The following SLC25A26 variants were observed in gnomAD, a reference collection of about 807,000 sequenced individuals.
The protein encoded by SLC25A26 is mitochondrial S-adenosylmethionine carrier protein.
In SLC25A26, 36 loss-of-function variants were observed where a neutral mutation model predicts 37.8. That is an observed-to-expected ratio of 0.95 (90% CI 0.73 to 1.26). The LOEUF is 1.26. Ranked by LOEUF, SLC25A26 falls within the 50% of genes most tolerant of loss-of-function variation. SLC25A26 has a pLI of 0.00. For missense variants in SLC25A26, 390 were observed against 331.1 expected, an observed-to-expected ratio of 1.18 and a Z score of -1.38; for synonymous variants, 129 against 122.5, an observed-to-expected ratio of 1.05 and a Z score of -0.35.
At chr3:66,251,745 C>T (rs781797325) in intron 3 of SLC25A26, among the ~76,000 whole-genome samples, 22 of 152,202 alleles carry the variant, frequency 1.4e-4, no homozygotes, top group African/African-American at 5.3e-4. Flanking sequence ...ACCCCATCTG[C>T]ATCCTCACCC....
At chr3:66,352,358 G>A (rs1436100408) in intron 6 of SLC25A26, among the ~76,000 whole-genome samples, 1 of 151,732 alleles carries the variant, frequency 6.6e-6, no homozygotes, top group Non-Finnish European at 1.5e-5. Context: ...CTTATCCCGT[G>A]CCACTCACCC....
intron 5 of SLC25A26, among the ~76,000 whole-genome samples, chr3:66,297,674 A>G (rs1173069342): frequency 6.6e-6 from 1 of 152,152 alleles, no homozygotes; most frequent in African/African-American, 2.4e-5. Flanking sequence ...ATAAAGCTTT[A>G]TTGGCATGCA....
In SLC25A26 at chr3:66,319,744, CTTTTTTTT is replaced by C. The variant is rs71105981; in HGVS notation, c.454-26601_454-26594del. On this transcript the variant is annotated intron_variant, in intron 5 of 9. Coordinates refer to ENST00000354883, the MANE Select transcript of SLC25A26 (RefSeq NM_001379210.1). ...CAAAGTACTGTGACAGCAATTAAAT[CTTTTTTTT>C]TTTTTTTTTTTTTTTTTTGAGATGA... Among the ~76,000 whole-genome samples the C allele has an allele frequency of 9.0e-3, 832 of 92,098 alleles. 6 individuals are homozygous for C. Among genetic ancestry groups the C allele is most frequent in the African/African-American group, 0.038 (770 of 20,188 alleles). The allele number at this position is 92,098 out of a possible 152,430, so 60.4% of individuals were successfully genotyped here. A position where few individuals can be genotyped will look rare whatever the true frequency, so the allele number is the denominator to read the frequency against.
At chr3:66,280,650 A>C (rs1358171642) in intron 5 of SLC25A26, among the ~76,000 whole-genome samples, 4 of 152,192 alleles carry the variant, frequency 2.6e-5, no homozygotes, top group Admixed American at 1.3e-4. Context: ...TTTGAAATGC[A>C]TAGTAACACC....
rs917163908 is a variant in SLC25A26, at chr3:66,227,126, C to T, written c.33+5999C>T. The stretch of plus-strand genomic sequence containing the variant: ...TTTTGTGCTTTCAATGTTGTGAGTT[C>T]GTTTAATGCGAAGACTTGCTGACAT... On this transcript the variant is annotated intron_variant, in intron 1 of 9. Transcript: ENST00000354883. Among the ~76,000 whole-genome samples the T allele has an allele frequency of 2.6e-5, 4 of 152,166 alleles. No homozygotes were observed. In the East Asian group the frequency reaches 5.8e-4, roughly 22 times the overall value.
At position 66,207,283 on chromosome 3, in the gene SLC25A26, C is replaced by G. The variant is rs953900556; in HGVS notation, c.-353-13459C>G. Among the ~76,000 whole-genome samples the G allele has an allele frequency of 1.5e-4, 23 of 152,224 alleles. No homozygotes were observed. In the East Asian group the frequency reaches 3.9e-3, roughly 26 times the overall value. On this transcript the variant is annotated intron_variant, in intron 1 of 10. Coordinates refer to the SLC25A26 transcript ENST00000676754. Reference sequence around the variant, plus strand: ...AAGCTACAGCCTCAGTTATCCCCCCCATCCTTTAGACCATACTAGTCCAGT... The same window carrying G: ...AAGCTACAGCCTCAGTTATCCCCCCGATCCTTTAGACCATACTAGTCCAGT...
At chr3:66,148,113 T>G (rs73127759) in intron 1 of SLC25A26, among the ~76,000 whole-genome samples, 51,382 of 152,090 alleles carry the variant, frequency 0.34, 8,890 homozygotes, top group African/African-American at 0.4. Flanking sequence ...TATGTCACTG[T>G]GGTTTTAACT....
intron 1 of SLC25A26, among the ~76,000 whole-genome samples, chr3:66,213,201 A>T (rs914130032): frequency 6.6e-6 from 1 of 152,002 alleles, no homozygotes; most frequent in East Asian, 1.9e-4. Context: ...GGAGTTCAAG[A>T]CCAGCTTGGC....
At chr3:66,363,994 A>G (rs888161672) in intron 7 of SLC25A26, among the ~76,000 whole-genome samples, 1 of 152,122 alleles carries the variant, frequency 6.6e-6, no homozygotes, top group Admixed American at 6.5e-5. Flanking sequence ...GTCAGGAGTC[A>G]TTATTCCCCA....
intron 6 of SLC25A26, among the ~76,000 whole-genome samples, chr3:66,360,269 C>T (rs1332171493): frequency 2.0e-5 from 3 of 152,130 alleles, no homozygotes; most frequent in Non-Finnish European, 2.9e-5. Flanking sequence ...TCAGACCACT[C>T]TCAGAAAGTC....
chr3:66,245,070 T>C (rs1393661933), intron 3 of SLC25A26, among the ~76,000 whole-genome samples: 1 of 152,150 alleles, frequency 6.6e-6, no homozygotes, highest in Non-Finnish European at 1.5e-5. Context: ...GTGATATTTA[T>C]TTTTTGTTTC....
At chr3:66,139,822 CA>C (rs2070007863) in intron 1 of SLC25A26, among the ~76,000 whole-genome samples, 1 of 151,974 alleles carries the variant, frequency 6.6e-6, no homozygotes, top group African/African-American at 2.4e-5. Flanking sequence ...TTATTGCAGG[CA>C]GTAATGCAGA....
At chr3:66,317,406 A>G (rs1575556807) in intron 5 of SLC25A26, among the ~76,000 whole-genome samples, 1 of 152,006 alleles carries the variant, frequency 6.6e-6, no homozygotes, top group Admixed American at 6.6e-5. Context: ...TCTAGACCCT[A>G]TTCTCCGGGG....
At chr3:66,327,538 C>G (rs1486087106) in intron 5 of SLC25A26, among the ~76,000 whole-genome samples, 1 of 151,990 alleles carries the variant, frequency 6.6e-6, no homozygotes, top group Non-Finnish European at 1.5e-5. Flanking sequence ...TAAAATAATT[C>G]ATTTGTTATA....
At chr3:66,371,727 G>C (rs1033974980) in intron 9 of SLC25A26, among the ~76,000 whole-genome samples, 6 of 152,116 alleles carry the variant, frequency 3.9e-5, no homozygotes, top group African/African-American at 9.7e-5. Flanking sequence ...CATTAATTCT[G>C]CTGCCAGTTC....
chr3:66,177,802 G>C (rs1308185044), intron 1 of SLC25A26, among the ~76,000 whole-genome samples: 1 of 152,190 alleles, frequency 6.6e-6, no homozygotes, highest in African/African-American at 2.4e-5. Context: ...TCTACTATGC[G>C]CTGGAATTTT....
chr3:66,148,340 G>A (rs1433560122), intron 1 of SLC25A26, among the ~76,000 whole-genome samples: 1 of 152,162 alleles, frequency 6.6e-6, no homozygotes, highest in Non-Finnish European at 1.5e-5. Context: ...AGCACCCAGG[G>A]GCTAGGAACT....
intron 9 of SLC25A26, among the ~76,000 whole-genome samples, chr3:66,376,476 G>A (rs1700654480): frequency 6.6e-6 from 1 of 152,154 alleles, no homozygotes; most frequent in African/African-American, 2.4e-5. Flanking sequence ...ATCATTCAAA[G>A]CAAGACCCTC....
intron 6 of SLC25A26, among the ~76,000 whole-genome samples, chr3:66,355,729 T>C (rs889029535): frequency 6.6e-6 from 1 of 152,208 alleles, no homozygotes; most frequent in Non-Finnish European, 1.5e-5. Context: ...TTTAAAAATA[T>C]ATGTGCAAAA....
Sources: allele counts gnomAD v4.1 joint callset (sites outside exome capture counted in the v4.1 genomes callset), GRCh38; gene constraint gnomAD v4.1.1; transcripts MANE v1.5; gene names NCBI Gene and HGNC (gene_info 2026-07-23, HGNC 2026-07-21).